The following ATP8A2 variants were observed in gnomAD, a reference collection of about 807,000 sequenced individuals.
The protein encoded by ATP8A2 is phospholipid-transporting ATPase IB.
A neutral mutation model predicts 165.6 loss-of-function variants in ATP8A2; 100 were observed. The observed-to-expected ratio is 0.60, with a 90% CI of 0.51 to 0.71. The LOEUF (loss-of-function observed/expected upper bound fraction) is 0.71. Ranked by LOEUF, ATP8A2 falls within the 30% of genes least tolerant of loss-of-function variation. The pLI is 0.00. For synonymous variants in ATP8A2, 543 were observed against 548.8 expected (o/e 0.99, Z 0.15); for missense variants, 1,227 against 1,479.5 (o/e 0.83, Z 2.80).
chr13:25,492,821 A>G (rs1189151494), intron 2 of ATP8A2, among the ~76,000 whole-genome samples: 1 of 152,036 alleles, frequency 6.6e-6, no homozygotes, highest in South Asian at 2.1e-4. Flanking sequence ...TGCTGTTTGG[A>G]GTGTCTGAGG....
rs114932714 is a variant in ATP8A2 at position 25,693,554 on chromosome 13, G to A, written c.2212-5619G>A. On this transcript the variant is annotated intron_variant, in intron 24 of 36. Transcript: ENST00000381655. ...AGGGCAGGGAGAAGAGAATGGAAGA[G>A]TAAGCAGGATTGAGATTGAGAACCA... Among the ~76,000 whole-genome samples, 845 of 152,262 alleles carry A rather than the reference G, an allele frequency of 5.5e-3. 9 individuals carry two copies. Among genetic ancestry groups the A allele is most frequent in the African/African-American group, 0.02 (815 of 41,548 alleles).
At chr13:25,825,153 T>G (rs1159334649) in intron 27 of ATP8A2, among the ~76,000 whole-genome samples, 1 of 118,996 alleles carries the variant, frequency 8.4e-6, no homozygotes, top group Non-Finnish European at 1.8e-5. Flanking sequence ...TGCTTTTTTT[T>G]TTTTTTTTTT....
At chr13:25,448,503 G>T (rs2035128475) in intron 1 of ATP8A2, among the ~76,000 whole-genome samples, 1 of 152,194 alleles carries the variant, frequency 6.6e-6, no homozygotes, top group Non-Finnish European at 1.5e-5. Context: ...TTCTGTAAAA[G>T]TGGGGGAAAT....
intron 15 of ATP8A2, 101 bp downstream of exon 15, chr13:25,559,866 T>G: frequency 1.1e-6 from 1 of 880,772 alleles, no homozygotes; most frequent in Non-Finnish European, 1.8e-6. Context: ...CTCACTCTAT[T>G]GCACAGGATG....
At chr13:25,512,422 G>A (rs764355039) in intron 2 of ATP8A2, among the ~76,000 whole-genome samples, 13 of 152,122 alleles carry the variant, frequency 8.5e-5, no homozygotes, top group African/African-American at 1.7e-4. Context: ...GGTGGTGGCC[G>A]GGCAGAGGGG....
At chr13:25,787,699 T>G (rs1192261515) in intron 27 of ATP8A2, among the ~76,000 whole-genome samples, 1 of 152,246 alleles carries the variant, frequency 6.6e-6, no homozygotes, top group Admixed American at 6.5e-5. Context: ...TCTGGTTCCA[T>G]AACACCATTG....
intron 24 of ATP8A2, among the ~76,000 whole-genome samples, chr13:25,615,901 G>A (rs982249010): frequency 1.3e-5 from 2 of 152,094 alleles, no homozygotes; most frequent in African/African-American, 4.8e-5. Context: ...GCTGTCTCCT[G>A]AAGCTCGCAG....
rs533942856 is a variant in ATP8A2, at chr13:25,640,231, G to T, written c.2211+50532G>T. 6.8e-4 allele frequency among the ~76,000 whole-genome samples: 104 copies of T among 152,250 alleles called. 1 individual carries two copies. Among genetic ancestry groups the T allele is most frequent in the African/African-American group, 2.4e-3 (98 of 41,540 alleles). ...GAGCAAACACATTCAAAAGCTAGCA[G>T]AAGGCAAGAAATAACTAAGATCAGA... On this transcript the variant is annotated intron_variant, in intron 24 of 36. Coordinates refer to ENST00000381655, the MANE Select transcript of ATP8A2 (RefSeq NM_016529.6).
chr13:25,786,754 G>GAT (rs58430501), intron 27 of ATP8A2, among the ~76,000 whole-genome samples: 25,484 of 134,520 alleles, frequency 0.19, 3,098 homozygotes, highest in Admixed American at 0.24. Flanking sequence ...ACAATTCTAT[G>GAT]TTTTTTTTTT....
At chr13:25,786,753 T>TAA (rs1344961193) in intron 27 of ATP8A2, among the ~76,000 whole-genome samples, 28 of 101,354 alleles carry the variant, frequency 2.8e-4, no homozygotes, top group African/African-American at 1.1e-3. Context: ...CACAATTCTA[T>TAA]GTTTTTTTTT....
At chr13:25,767,053 T>TTA (rs930347063) in intron 25 of ATP8A2, among the ~76,000 whole-genome samples, 1 of 152,236 alleles carries the variant, frequency 6.6e-6, no homozygotes, top group Admixed American at 6.5e-5. Flanking sequence ...ACTCAGGCCT[T>TTA]TAACTGTGGC....
In ATP8A2 at chr13:25,372,301, G is replaced by C; in HGVS notation, c.76+13G>C. ...CGCTCGTCCGTGGGTGAGCTGGGAG[G>C]GGCGCGGCGAGGGAGGGTGGGCCCG... On this transcript the variant is annotated intron_variant, in intron 1 of 36. Transcript: ENST00000381655. This position sits in a 1 kb window ranked among gnomAD's most constrained non-coding sequence, Gnocchi z 4.8. 1 of 1,468,368 alleles carries C rather than the reference G, an allele frequency of 6.8e-7. No individual in the cohort carries two copies. Among genetic ancestry groups the C allele is most frequent in the Non-Finnish European group, 9.0e-7 (1 of 1,106,784 alleles). The allele number at this position is 1,468,368 out of a possible 1,614,324, so 91.0% of individuals were successfully genotyped here. A position where few individuals can be genotyped will look rare whatever the true frequency, so the allele number is the denominator to read the frequency against.
At chr13:25,847,662 T>TA (rs1454915779) in intron 30 of ATP8A2, among the ~76,000 whole-genome samples, 1 of 152,208 alleles carries the variant, frequency 6.6e-6, no homozygotes, top group Non-Finnish European at 1.5e-5. Context: ...CCCATGTCCC[T>TA]ATCCAGTGGA....
At position 25,900,391 on chromosome 13, in the gene ATP8A2, C is replaced by T. The variant is rs905603354; in HGVS notation, c.3183+37983C>T. On this transcript the variant is annotated intron_variant, in intron 33 of 36. Coordinates refer to ENST00000381655, the MANE Select transcript of ATP8A2 (RefSeq NM_016529.6). ...CCTCACTGCATCCTCTGAGAGTCAG[C>T]CAAAACGTGTCCCAAGGTGGTCGTC... 8.5e-5 allele frequency among the ~76,000 whole-genome samples: 13 copies of T among 152,214 alleles called. 1 individual carries two copies. In the East Asian group the frequency reaches 1.9e-3, roughly 23 times the overall value.
rs571830862 is a variant in ATP8A2, at chr13:25,391,045, C to A, written c.76+18757C>A. Among the ~76,000 whole-genome samples, 19 of 152,228 alleles carry A rather than the reference C, an allele frequency of 1.2e-4. No homozygotes were observed. The South Asian group carries it at 3.9e-3, about 32-fold the overall frequency. ...TGCAGTTTGTTCATTAGTTCCCCTG[C>A]TTCTTTGAGCTAAGTTTCAAAGGAC... On this transcript the variant is annotated intron_variant, in intron 1 of 36. Coordinates refer to ENST00000381655, the MANE Select transcript of ATP8A2 (RefSeq NM_016529.6).
At chr13:25,655,698 C>T (rs1285619016) in intron 24 of ATP8A2, among the ~76,000 whole-genome samples, 1 of 151,252 alleles carries the variant, frequency 6.6e-6, no homozygotes, top group Non-Finnish European at 1.5e-5. Flanking sequence ...AGTTTGCTTC[C>T]CAAGCTTGTG....
intron 2 of ATP8A2, among the ~76,000 whole-genome samples, chr13:25,481,986 A>G (rs2036219084): frequency 6.6e-6 from 1 of 152,140 alleles, no homozygotes; most frequent in East Asian, 1.9e-4. Flanking sequence ...TTTAGGAAGG[A>G]CACAGTTCAG....
chr13:25,910,747 C>T (rs1367180772), intron 33 of ATP8A2, among the ~76,000 whole-genome samples: 1 of 152,110 alleles, frequency 6.6e-6, no homozygotes, highest in Non-Finnish European at 1.5e-5. Context: ...TGCGCAATAT[C>T]CATGTATTAA....
chr13:25,598,655 A>C (rs1248892531), intron 24 of ATP8A2, among the ~76,000 whole-genome samples: 1 of 151,994 alleles, frequency 6.6e-6, no homozygotes, highest in Non-Finnish European at 1.5e-5. Context: ...ATCCTTTAAT[A>C]TTGTTATGAT....
Sources: allele counts gnomAD v4.1 joint callset (sites outside exome capture counted in the v4.1 genomes callset), GRCh38; gene constraint gnomAD v4.1.1; non-coding constraint Gnocchi (gnomAD v3.1); transcripts MANE v1.5; gene names NCBI Gene and HGNC (gene_info 2026-07-23, HGNC 2026-07-21).